The following STAU1 variants were observed in gnomAD, a reference collection of about 807,000 sequenced individuals.
STAU1 encodes staufen double-stranded RNA binding protein 1.
Under a neutral mutation model 62.9 loss-of-function variants are expected in STAU1, and 13 were observed. The observed-to-expected ratio is 0.21, with a 90% CI of 0.13 to 0.33. The LOEUF (loss-of-function observed/expected upper bound fraction) is 0.33, where lower values mean the gene tolerates loss of function less well. Among genes scored for constraint, STAU1 ranks in the 10% least tolerant of loss-of-function variants. The pLI, the probability that STAU1 is intolerant of heterozygous loss-of-function variation, is 1.00. For synonymous variants in STAU1, 269 were observed against 265.1 expected (o/e 1.01, Z -0.14); for missense variants, 571 against 712.1 (o/e 0.80, Z 2.25).
intron 6 of STAU1, among the ~76,000 whole-genome samples, chr20:49,133,932 C>G (rs1345722511): frequency 6.6e-6 from 1 of 152,152 alleles, no homozygotes; most frequent in African/African-American, 2.4e-5. Context: ...AGCACTGAAG[C>G]TGGGTTAAGT....
intron 5 of STAU1, among the ~76,000 whole-genome samples, chr20:49,145,854 T>C (rs2093120044): frequency 6.6e-6 from 1 of 151,062 alleles, no homozygotes; most frequent in South Asian, 2.1e-4. Context: ...ATCATGTCTG[T>C]GTACAGCCAC....
At chr20:49,169,196 T>C (rs1225689135) in intron 2 of STAU1, among the ~76,000 whole-genome samples, 2 of 152,110 alleles carry the variant, frequency 1.3e-5, no homozygotes, top group Non-Finnish European at 2.9e-5. Context: ...GTGATCCTCC[T>C]GCCTCAGCCT....
chr20:49,163,419 C>CTTTTTTTT (rs200864480), intron 3 of STAU1, among the ~76,000 whole-genome samples: 9 of 82,424 alleles, frequency 1.1e-4, no homozygotes, highest in East Asian at 3.7e-4. Flanking sequence ...GTGTTTAAAC[C>CTTTTTTTT]TTTTTTTTTT....
intron 4 of STAU1, among the ~76,000 whole-genome samples, chr20:49,152,619 C>T (rs935135466): frequency 1.3e-5 from 2 of 152,046 alleles, no homozygotes; most frequent in Non-Finnish European, 2.9e-5. Context: ...GGATTACAGG[C>T]GTGAGCCACC....
the STAU1 span, among the ~76,000 whole-genome samples, chr20:49,199,053 G>A: frequency 2.0e-5 from 3 of 151,496 alleles, no homozygotes; most frequent in Non-Finnish European, 4.4e-5. Context: ...GGCTGAGGCA[G>A]GAGAATCACT....
chr20:49,126,064 A>C (rs2092605864), intron 6 of STAU1, among the ~76,000 whole-genome samples: 1 of 151,136 alleles, frequency 6.6e-6, no homozygotes, highest in African/African-American at 2.4e-5. Flanking sequence ...AAATGGACCA[A>C]AGACCTACAC....
chr20:49,124,708 A>C, intron 6 of STAU1, 121 bp from the exon 7 acceptor site: 2 of 959,586 alleles, frequency 2.1e-6, no homozygotes, highest in Non-Finnish European at 3.2e-6. Context: ...GACCTACTAA[A>C]TGAAAGGAAG....
At chr20:49,188,653 C>T (rs897579621), upstream of STAU1, among the ~76,000 whole-genome samples, 3 of 152,206 alleles carry the variant, frequency 2.0e-5, no homozygotes, top group Admixed American at 6.5e-5. Context: ...TACCTTCTTT[C>T]CTCCTCCACT....
intron 9 of STAU1, among the ~76,000 whole-genome samples, chr20:49,119,759 T>A (rs2092420500): frequency 6.6e-6 from 1 of 152,142 alleles, no homozygotes; most frequent in African/African-American, 2.4e-5. Context: ...ACCACAAAGA[T>A]ACTGACACAA....
chr20:49,194,689 G>A, the STAU1 span, among the ~76,000 whole-genome samples: 4 of 151,922 alleles, frequency 2.6e-5, no homozygotes, highest in Non-Finnish European at 5.9e-5. Flanking sequence ...GCAATTCCTC[G>A]TGCCTCGGCA....
chr20:49,174,798 G>C (rs142545613), intron 1 of STAU1, among the ~76,000 whole-genome samples: 1,819 of 152,182 alleles, frequency 0.012, 44 homozygotes, highest in African/African-American at 0.041. Context: ...TTAGCCAGGC[G>C]TGATGGCGGG....
chr20:49,186,455 TAA>T (rs886941326), intron 1 of STAU1, among the ~76,000 whole-genome samples: 9 of 152,214 alleles, frequency 5.9e-5, no homozygotes, highest in African/African-American at 1.9e-4. Flanking sequence ...GCATGTGTGT[TAA>T]GAGATGGGTA....
chr20:49,203,094 G>A, the STAU1 span, among the ~76,000 whole-genome samples: 1 of 151,806 alleles, frequency 6.6e-6, no homozygotes, highest in African/African-American at 2.4e-5. Context: ...TAAACCCAAA[G>A]TAAGTGTAAG....
At position 49,118,411 on chromosome 20, in the gene STAU1, T is replaced by TA. The variant is rs753372088; in HGVS notation, c.1114-4dup. ...TCCCCTGGTTTCTTTATGGGTGTCT[T>TA]AAAAAAGAAGAAGAAAAAAAAAAGG... is the stretch of plus-strand genomic sequence containing the variant. On this transcript the variant is annotated splice_region_variant and splice_polypyrimidine_tract_variant and intron_variant, in intron 9 of 13. Coordinates refer to ENST00000371856, the MANE Select transcript of STAU1 (RefSeq NM_017453.4). 1 of 1,598,980 alleles carries TA rather than the reference T, an allele frequency of 6.3e-7. No individual in the cohort carries two copies. The highest frequency in any genetic ancestry group is 1.1e-5 in the South Asian group (1 of 88,288).
chr20:49,202,301 A>G, the STAU1 span, among the ~76,000 whole-genome samples: 1 of 149,380 alleles, frequency 6.7e-6, no homozygotes, highest in Non-Finnish European at 1.5e-5. Context: ...GATGGCTCAC[A>G]TTGTAATCCC....
intron 6 of STAU1, among the ~76,000 whole-genome samples, chr20:49,128,192 G>A (rs1206558814): frequency 6.6e-6 from 1 of 151,712 alleles, no homozygotes; most frequent in Non-Finnish European, 1.5e-5. Flanking sequence ...AGTGTGTGGT[G>A]GCGTGTGCCT....
intron 3 of STAU1, 78 bp from the exon 4 acceptor site, chr20:49,154,149 G>A (rs960615106): frequency 1.4e-6 from 2 of 1,409,270 alleles, no homozygotes; most frequent in Non-Finnish European, 9.5e-7. Context: ...GTAATAGCAT[G>A]CTTTCTGCTA....
intron 6 of STAU1, among the ~76,000 whole-genome samples, chr20:49,130,762 G>A (rs1045166935): frequency 6.6e-6 from 1 of 152,142 alleles, no homozygotes; most frequent in Non-Finnish European, 1.5e-5. Context: ...TGAGGGGTGG[G>A]TGTGGTGGCT....
At chr20:49,193,974 A>T in the STAU1 span, among the ~76,000 whole-genome samples, 3 of 3,858 alleles carry the variant, frequency 7.8e-4, no homozygotes, top group Non-Finnish European at 0.011. Context: ...CAGAAAAAAG[A>T]AAAAAAAAAA....
Sources: gnomAD v4.1 joint callset for allele counts (sites outside exome capture counted in the v4.1 genomes callset) on GRCh38, gnomAD v4.1.1 for gene constraint, MANE v1.5 for transcripts, NCBI Gene and HGNC (gene_info 2026-07-23, HGNC 2026-07-21) for gene names.